Variants in SGMS1 observed in about 807,000 individuals in gnomAD.
SGMS1 encodes the protein phosphatidylcholine:ceramide cholinephosphotransferase 1.
Under a neutral mutation model 46.2 loss-of-function variants are expected in SGMS1, and 13 were observed. The ratio of observed to expected loss-of-function variants is 0.28; its 90% CI spans 0.18 to 0.45. The LOEUF is 0.45. Among genes scored for constraint, SGMS1 ranks in the 20% least tolerant of loss-of-function variants. The pLI, the probability that SGMS1 is intolerant of heterozygous loss-of-function variation, is 1.00. For synonymous variants in SGMS1, 203 were observed against 187.8 expected, an observed-to-expected ratio of 1.08 and a Z score of -0.66; for missense variants, 324 against 519.9, an observed-to-expected ratio of 0.62 and a Z score of 3.66.
At chr10:50,451,755 T>A (rs549146072) in intron 5 of SGMS1, among the ~76,000 whole-genome samples, 1 of 152,336 alleles carries the variant, frequency 6.6e-6, no homozygotes, top group East Asian at 1.9e-4. Flanking sequence ...TGGCAATGCT[T>A]CTCACTAGAT....
rs192628181 is a variant in SGMS1, at chr10:50,525,321, T to C, written c.-588-5400A>G. ...GTGTGCCGCAGATCCAATATGCCCG[T>C]TTCTGGCTCTAGATTGTGAAGGTGG... On this transcript the variant is annotated intron_variant, in intron 2 of 10. Transcript: ENST00000361781. Among the ~76,000 whole-genome samples, 41 of 152,264 alleles carry C rather than the reference T, an allele frequency of 2.7e-4. No individual in the cohort carries two copies. The East Asian group carries it at 7.7e-3, about 29-fold the overall frequency.
intron 8 of SGMS1, 22 bp from the exon 9 acceptor site, chr10:50,311,437 A>G: frequency 1.2e-6 from 2 of 1,610,152 alleles, no homozygotes; most frequent in South Asian, 1.1e-5. Flanking sequence ...AAAGAAAAGA[A>G]GAAAAAGAAG....
intron 6 of SGMS1, among the ~76,000 whole-genome samples, chr10:50,362,245 A>G (rs1464482726): frequency 6.6e-6 from 1 of 152,238 alleles, no homozygotes; most frequent in East Asian, 1.9e-4. Flanking sequence ...CAAAATAAAG[A>G]AAAAGAATTT....
At chr10:50,347,360 G>C (rs11005290) in intron 6 of SGMS1, among the ~76,000 whole-genome samples, 27,867 of 152,100 alleles carry the variant, frequency 0.18, 2,748 homozygotes, top group East Asian at 0.27. Flanking sequence ...ATTTGGACGC[G>C]CAAGGAGAAT....
At chr10:50,333,767 C>A (rs1464100878) in intron 7 of SGMS1, among the ~76,000 whole-genome samples, 1 of 152,092 alleles carries the variant, frequency 6.6e-6, no homozygotes, top group East Asian at 1.9e-4. Context: ...ATTTAATATT[C>A]CTAGGTACCC....
At chr10:50,430,334 T>G (rs1251659484) in intron 6 of SGMS1, among the ~76,000 whole-genome samples, 1 of 152,186 alleles carries the variant, frequency 6.6e-6, no homozygotes, top group African/African-American at 2.4e-5. Context: ...TATGTAGATG[T>G]ATATTTATTG....
chr10:50,526,041 GGAGGCCT>G (rs1261049093), intron 2 of SGMS1, among the ~76,000 whole-genome samples: 1 of 152,140 alleles, frequency 6.6e-6, no homozygotes, highest in Admixed American at 6.5e-5. Context: ...AGTCACTCAG[GGAGGCCT>G]GAGGGGAAGC....
At chr10:50,469,013 A>G (rs1035935977) in intron 3 of SGMS1, among the ~76,000 whole-genome samples, 1 of 152,160 alleles carries the variant, frequency 6.6e-6, no homozygotes, top group Non-Finnish European at 1.5e-5. Flanking sequence ...AGAATCCCCA[A>G]CTTAACCAGA....
At chr10:50,595,942 A>G (rs1838587991) in intron 1 of SGMS1, among the ~76,000 whole-genome samples, 1 of 152,176 alleles carries the variant, frequency 6.6e-6, no homozygotes, top group African/African-American at 2.4e-5. Context: ...CAAAATGTGG[A>G]TATCTTTTAT....
intron 5 of SGMS1, among the ~76,000 whole-genome samples, chr10:50,448,265 T>C (rs1015982991): frequency 1.3e-5 from 2 of 152,094 alleles, no homozygotes; most frequent in Admixed American, 1.3e-4. Context: ...AAAAAATTAA[T>C]GAAAAATTTA....
At chr10:50,373,633 GGATTT>G (rs1469291999) in intron 6 of SGMS1, among the ~76,000 whole-genome samples, 1 of 152,026 alleles carries the variant, frequency 6.6e-6, no homozygotes, top group Non-Finnish European at 1.5e-5. Context: ...GGAAAAATAC[GGATTT>G]AATTTGTAAA....
intron 6 of SGMS1, among the ~76,000 whole-genome samples, chr10:50,411,518 A>C (rs1261288267): frequency 2.7e-5 from 4 of 145,556 alleles, no homozygotes; most frequent in Non-Finnish European, 6.2e-5. Context: ...CAGCTTTCAA[A>C]CATTTTCAGC....
At chr10:50,398,012 A>G (rs1176435226) in intron 6 of SGMS1, among the ~76,000 whole-genome samples, 1 of 152,204 alleles carries the variant, frequency 6.6e-6, no homozygotes, top group Non-Finnish European at 1.5e-5. Context: ...TCAAAAGGCT[A>G]CACACAGAAA....
intron 2 of SGMS1, among the ~76,000 whole-genome samples, chr10:50,586,138 T>C (rs1278454659): frequency 6.6e-6 from 1 of 152,220 alleles, no homozygotes; most frequent in African/African-American, 2.4e-5. Flanking sequence ...AAAAACAGAA[T>C]TTTTCCATAA....
Position 50,420,371 on chromosome 10 carries a change from G to A in SGMS1, c.-232+13105C>T, listed in dbSNP as rs139702963. Among the ~76,000 whole-genome samples, 207 of 152,298 alleles carry A rather than the reference G, an allele frequency of 1.4e-3. 2 individuals are homozygous for A. The highest frequency in any genetic ancestry group is 1.0e-3 in the Non-Finnish European group (69 of 68,032). On this transcript the variant is annotated intron_variant, in intron 6 of 10. Coordinates refer to ENST00000361781, the MANE Select transcript of SGMS1 (RefSeq NM_147156.4). ...TCAGGCATTCGTCCCCTCTGCCTGAGTCACTGAGGTTGAGTGTCTTCTAGC... is the reference window on the plus strand; with the variant it reads ...TCAGGCATTCGTCCCCTCTGCCTGAATCACTGAGGTTGAGTGTCTTCTAGC...
Position 50,570,416 on chromosome 10 carries a change from T to A in SGMS1, c.-589+19737A>T, listed in dbSNP as rs145578198. On this transcript the variant is annotated intron_variant, in intron 2 of 10. Coordinates refer to ENST00000361781, the MANE Select transcript of SGMS1 (RefSeq NM_147156.4). ...GTAGACTTCAACTATTATGACATTT[T>A]AAAAAATAATCTTGAGAAAAATCAA... 4.5e-3 allele frequency among the ~76,000 whole-genome samples: 678 copies of A among 152,318 alleles called. 4 individuals carry two copies. The highest frequency in any genetic ancestry group is 0.015 in the African/African-American group (637 of 41,558).
intron 7 of SGMS1, among the ~76,000 whole-genome samples, chr10:50,332,152 C>G (rs927092082): frequency 2.6e-5 from 4 of 152,168 alleles, no homozygotes; most frequent in Admixed American, 2.0e-4. Context: ...ATCTGGCTAC[C>G]TCCCTCTAGC....
intron 1 of SGMS1, among the ~76,000 whole-genome samples, chr10:50,597,447 A>G (rs1024008112): frequency 6.6e-6 from 1 of 152,260 alleles, no homozygotes; most frequent in African/African-American, 2.4e-5. Flanking sequence ...AGTAATAAAA[A>G]GGAACAAACC....
intron 3 of SGMS1, among the ~76,000 whole-genome samples, chr10:50,470,542 T>C (rs2133700629): frequency 6.6e-6 from 1 of 152,026 alleles, no homozygotes; most frequent in Middle Eastern, 3.4e-3. Flanking sequence ...TGCAAGTCTC[T>C]TGCTGCAGTC....
Sources: allele counts gnomAD v4.1 joint callset (sites outside exome capture counted in the v4.1 genomes callset), GRCh38; gene constraint gnomAD v4.1.1; transcripts MANE v1.5; gene names NCBI Gene and HGNC (gene_info 2026-07-23, HGNC 2026-07-21).